The following KIF3A variants were observed in gnomAD, a reference collection of about 807,000 sequenced individuals.
The protein encoded by KIF3A is kinesin family member 3A.
In KIF3A, 27 loss-of-function variants were observed where a neutral mutation model predicts 92.6. That is an observed-to-expected ratio of 0.29 (90% CI 0.21 to 0.40). The LOEUF is 0.40. KIF3A is among the 10% of genes least tolerant of loss of function. The probability of loss-of-function intolerance (pLI) is 1.00; values close to 1 mark genes in which losing one functional copy is unlikely to be tolerated. For synonymous variants in KIF3A, 250 were observed against 275.4 expected, an observed-to-expected ratio of 0.91 and a Z score of 0.92; for missense variants, 581 against 872.6, an observed-to-expected ratio of 0.67 and a Z score of 4.21.
intron 5 of KIF3A, among the ~76,000 whole-genome samples, chr5:132,718,060 A>G (rs1249871965): frequency 6.6e-6 from 1 of 152,104 alleles, no homozygotes; most frequent in African/African-American, 2.4e-5. Flanking sequence ...CTTTTCCCCA[A>G]TTTTATTTCT....
chr5:132,711,042 C>G lies in KIF3A; in HGVS notation c.1145G>C (p.Gly382Ala), dbSNP rs1048599821. Residue 382 changes from glycine (G) to alanine (A), a missense_variant, in exon 9 of 19, where the codon GGC becomes GCC. Physicochemically the swap from Gly to Ala is moderately conservative, Grantham distance 60. Around this residue, in one of 5 missense-constraint regions of KIF3A, gnomAD observed 167 missense variants for 205.8 expected, o/e 0.81. Coordinates refer to ENST00000403231, the MANE Select transcript of KIF3A (RefSeq NM_001300791.2). Reference sequence around the variant, plus strand: ...TTCCTCTGACCCACTGATATCAGAGCCTGATATTTCTTCTCCTTGGACAGA... The same window carrying G: ...TTCCTCTGACCCACTGATATCAGAGGCTGATATTTCTTCTCCTTGGACAGA... ...KKLEEGEEIS[G>A]SDISGSEEDD... 3 of 1,608,844 alleles carry G rather than the reference C, an allele frequency of 1.9e-6. No individual in the cohort carries two copies. The African/African-American group carries it at 4.0e-5, about 22-fold the overall frequency.
At chr5:132,707,889 A>AT (rs1432505055) in intron 10 of KIF3A, among the ~76,000 whole-genome samples, 8 of 152,204 alleles carry the variant, frequency 5.3e-5, no homozygotes, top group Non-Finnish European at 8.8e-5. Flanking sequence ...TTTCAACTTA[A>AT]TTAAATTGTT....
In KIF3A at chr5:132,693,593, GAC is replaced by G. The variant is rs1403054059; in HGVS notation, c.*3039_*3040del. 6.5e-6 allele frequency: 1 copy of G among 152,712 alleles called. No homozygotes were observed. The highest frequency in any genetic ancestry group is 1.9e-4 in the East Asian group (1 of 5,326). The allele number at this position is 152,712 out of a possible 1,614,324, so 9.5% of individuals were successfully genotyped here. On this transcript the variant is annotated 3_prime_UTR_variant, in exon 19 of 19. Coordinates refer to ENST00000403231, the MANE Select transcript of KIF3A (RefSeq NM_001300791.2). Reference sequence around the variant, plus strand: ...ACAACATATTTCATTTGTGGACAAAGACACAGTAAATGTGAGGAAACTACAGA... The same window carrying G: ...ACAACATATTTCATTTGTGGACAAAGACAGTAAATGTGAGGAAACTACAGA...
chr5:132,692,292 G>T (rs188409724), downstream of KIF3A, among the ~76,000 whole-genome samples: 1 of 152,200 alleles, frequency 6.6e-6, no homozygotes, highest in Admixed American at 6.5e-5. Context: ...AGAGAAGGGA[G>T]AAGAGCAGAA....
intron 1 of KIF3A, among the ~76,000 whole-genome samples, chr5:132,736,094 G>C (rs946894324): frequency 6.6e-6 from 1 of 152,216 alleles, no homozygotes; most frequent in African/African-American, 2.4e-5. Flanking sequence ...TATAGGCTCA[G>C]AGAGCACCCT....
At position 132,693,166 on chromosome 5, in the gene KIF3A, T is replaced by TA. The variant is rs1191866964; in HGVS notation, c.*3467dup. 2.2e-5 allele frequency: 3 copies of TA among 139,358 alleles called. No homozygotes were observed. The highest frequency in any genetic ancestry group is 5.6e-5 in the African/African-American group (2 of 35,446). 8.6% of individuals were successfully genotyped at this position (139,358 alleles called of 1,614,324 possible). On this transcript the variant is annotated 3_prime_UTR_variant, in exon 19 of 19. Coordinates refer to ENST00000403231, the MANE Select transcript of KIF3A (RefSeq NM_001300791.2). ...CCAATAAAACCTTAAATTTTTGCTG[T>TA]AAAAAGAAAAAAAAAACAACTCCCT...
intron 1 of KIF3A, among the ~76,000 whole-genome samples, chr5:132,735,532 C>T (rs1754362780): frequency 1.3e-5 from 2 of 152,168 alleles, no homozygotes; most frequent in African/African-American, 2.4e-5. Context: ...TTGTCATTGA[C>T]TCTGACATTG....
In KIF3A at chr5:132,702,163, T is replaced by C. The variant is rs745523246; in HGVS notation, c.1808A>G (p.Glu603Gly). ...EHQREIEGLL[E>G]NIRQLSRELR... ...CTCCCGGCTAAGTTGCCGAATGTTC[T>C]CCAGTAGGCCTTCAATTTCCCTCTG... The change falls in exon 15 of 19, where the codon GAG becomes GGG. Residue 603 changes from glutamate (E) to glycine (G), a missense_variant. By Grantham distance (98) the Glu-to-Gly change is moderately conservative. Transcript: ENST00000403231. 6.2e-7 allele frequency: 1 copy of C among 1,613,754 alleles called. No homozygotes were observed. Among genetic ancestry groups the C allele is most frequent in the Non-Finnish European group, 8.5e-7 (1 of 1,179,688 alleles).
rs368316072 is a variant in KIF3A, at chr5:132,715,897, T to C, written c.989A>G (p.Asp330Gly). The change falls in exon 8 of 19, where the codon GAT becomes GGT. Residue 330 changes from aspartate to glycine, a missense_variant. Transcript: ENST00000403231. ...ATACCGTAATGTACTGATAGTTTCA[T>C]CATAATTGTAATCTGCTGGCCCAAT... The part of the protein sequence containing the change: ...ANIGPADYNY[D>G]ETISTLRYAN... 1.9e-6 allele frequency: 3 copies of C among 1,601,186 alleles called. No individual in the cohort carries two copies. The highest frequency in any genetic ancestry group is 2.6e-6 in the Non-Finnish European group (3 of 1,174,624).
intron 4 of KIF3A, among the ~76,000 whole-genome samples, chr5:132,724,802 AAAAAATATATATATATAT>A (rs1753954678): frequency 3.0e-5 from 1 of 33,328 alleles, no homozygotes; most frequent in African/African-American, 1.2e-4. Context: ...TAAAAAAAAA[AAAAAATATATATATATAT>A]ATATATATAT....
intron 11 of KIF3A, among the ~76,000 whole-genome samples, chr5:132,705,481 T>A (rs1190632093): frequency 6.6e-6 from 1 of 151,986 alleles, no homozygotes; most frequent in East Asian, 1.9e-4. Context: ...TCAAAACCCA[T>A]TAAGAAGCAG....
downstream of KIF3A, among the ~76,000 whole-genome samples, chr5:132,692,124 TGGATAGAGCTAGAG>T (rs1752681250): frequency 6.6e-6 from 1 of 152,154 alleles, no homozygotes; most frequent in African/African-American, 2.4e-5. Flanking sequence ...TGTGGGAACA[TGGATAGAGCTAGAG>T]GCTATTATCC....
chr5:132,730,086 A>G (rs1329280997), intron 2 of KIF3A, among the ~76,000 whole-genome samples: 1 of 152,266 alleles, frequency 6.6e-6, no homozygotes, highest in Admixed American at 6.5e-5. Flanking sequence ...ATAATAAGGG[A>G]ATAGTATAAA....
intron 2 of KIF3A, among the ~76,000 whole-genome samples, chr5:132,732,029 A>T (rs776490588): frequency 3.3e-5 from 5 of 152,106 alleles, no homozygotes; most frequent in Non-Finnish European, 5.9e-5. Flanking sequence ...ACAAGTAGAA[A>T]ATCCTACAAA....
At chr5:132,696,739 A>G (rs1752851098) in intron 18 of KIF3A, 57 bp from the exon 19 acceptor site, 1 of 1,283,718 alleles carries the variant, frequency 7.8e-7, no homozygotes, top group Non-Finnish European at 1.1e-6. Flanking sequence ...CTGAAATGCA[A>G]ACATTTAACA....
intron 18 of KIF3A, chr5:132,697,867 A>G (rs899509717): frequency 1.3e-5 from 2 of 152,182 alleles, no homozygotes; most frequent in Non-Finnish European, 2.9e-5. Flanking sequence ...ACCACTGCCA[A>G]TTTTTCTCCT....
chr5:132,717,071 A>G, intron 5 of KIF3A, 87 bp from the exon 6 acceptor site: 1 of 1,294,980 alleles, frequency 7.7e-7, no homozygotes, highest in East Asian at 2.3e-5. Context: ...TAAAACACTT[A>G]ATTTTATCAC....
intron 5 of KIF3A, among the ~76,000 whole-genome samples, chr5:132,718,356 C>A (rs1054309122): frequency 6.6e-6 from 1 of 152,206 alleles, no homozygotes; most frequent in Non-Finnish European, 1.5e-5. Context: ...GTCACCCAGG[C>A]TGGAGGGCAG....
chr5:132,722,818 C>T (rs907469800), intron 4 of KIF3A, among the ~76,000 whole-genome samples: 1 of 152,116 alleles, frequency 6.6e-6, no homozygotes, highest in Non-Finnish European at 1.5e-5. Context: ...GGGTTTAGAT[C>T]AACAATACAA....
Sources: gnomAD v4.1 joint callset for allele counts (sites outside exome capture counted in the v4.1 genomes callset) on GRCh38, gnomAD v4.1.1 for gene constraint, gnomAD v4.1.1 regional missense constraint, MANE v1.5 for transcripts, NCBI Gene and HGNC (gene_info 2026-07-23, HGNC 2026-07-21) for gene names.